TLE4: variants seen among roughly 807,000 people sequenced by gnomAD.
TLE4 encodes the protein transducin-like enhancer protein 4.
TLE4 carries 8 observed loss-of-function variants against 92.8 expected under a neutral mutation model. That is an observed-to-expected ratio of 0.09 (90% CI 0.05 to 0.16). TLE4 has a LOEUF of 0.16. Among genes scored for constraint, TLE4 ranks in the 10% least tolerant of loss-of-function variants. The pLI is 1.00. For missense variants in TLE4, 675 were observed against 997.6 expected (o/e 0.68, Z 4.36); for synonymous variants, 371 against 374.1 (o/e 0.99, Z 0.10).
At chr9:79,597,836 A>C (rs1233427644) in intron 4 of TLE4, among the ~76,000 whole-genome samples, 2 of 152,188 alleles carry the variant, frequency 1.3e-5, no homozygotes, top group African/African-American at 2.4e-5. Flanking sequence ...TGGGGACGAG[A>C]GTAATCCTCT....
intron 4 of TLE4, 117 bp from the exon 5 acceptor site, chr9:79,612,539 A>T: frequency 1.1e-6 from 1 of 940,112 alleles, no homozygotes; most frequent in Non-Finnish European, 1.7e-6. Context: ...CCTCTTCCTT[A>T]GGAAATATGC....
chr9:79,627,306 T>C, intron 5 of TLE4, 68 bp from the exon 6 acceptor site: 4 of 1,527,516 alleles, frequency 2.6e-6, no homozygotes, highest in Non-Finnish European at 9.1e-7. Flanking sequence ...GAGGACATGT[T>C]AGGAAAAGCT....
intron 8 of TLE4, among the ~76,000 whole-genome samples, chr9:79,660,132 A>G (rs1485531489): frequency 2.0e-5 from 3 of 152,210 alleles, no homozygotes; most frequent in Non-Finnish European, 4.4e-5. Context: ...AACATTTAGA[A>G]TATGAGCCAT....
chr9:79,620,228 G>T (rs1293119341), intron 5 of TLE4, among the ~76,000 whole-genome samples: 3 of 152,202 alleles, frequency 2.0e-5, no homozygotes, highest in African/African-American at 7.2e-5. Flanking sequence ...GAGTAGAGCT[G>T]CATTGTCCAA....
intron 18 of TLE4, 83 bp downstream of exon 18, chr9:79,722,684 C>T: frequency 6.6e-7 from 1 of 1,525,442 alleles, no homozygotes; most frequent in Non-Finnish European, 8.9e-7. Context: ...AAGTCGAATC[C>T]TTGAGTTCAT....
chr9:79,718,256 G>C (rs2074959641), intron 14 of TLE4, among the ~76,000 whole-genome samples: 1 of 151,954 alleles, frequency 6.6e-6, no homozygotes, highest in African/African-American at 2.4e-5. Flanking sequence ...CCTGATTTTG[G>C]CCTACTCATC....
intron 8 of TLE4, among the ~76,000 whole-genome samples, chr9:79,699,888 T>C (rs560343854): frequency 6.6e-6 from 1 of 152,268 alleles, no homozygotes; most frequent in South Asian, 2.1e-4. Context: ...TTTTGGTGAA[T>C]AGTAGCATAT....
chr9:79,726,704 A>G lies in TLE4; in HGVS notation c.*1560A>G, dbSNP rs2076403914. 4 of 152,674 alleles carry G rather than the reference A, an allele frequency of 2.6e-5. 1 individual carries two copies. In the South Asian group the frequency reaches 8.3e-4, roughly 32 times the overall value. The allele number at this position is 152,674 out of a possible 1,614,324, so 9.5% of individuals were successfully genotyped here. ...TTCTATAATGGTAGATTGTTTGTGA[A>G]TTCAGACTTTTAAGCATTAAACATA... On this transcript the variant is annotated 3_prime_UTR_variant, in exon 20 of 20. Coordinates refer to ENST00000376552, the MANE Select transcript of TLE4 (RefSeq NM_007005.6).
chr9:79,708,131 C>T lies in TLE4; in HGVS notation c.950C>T (p.Thr317Ile), dbSNP rs1473239190. The change falls in exon 12 of 20, where the codon ACT becomes ATT. Residue 317 changes from threonine (T) to isoleucine (I), a missense_variant. Coordinates refer to ENST00000376552, the MANE Select transcript of TLE4 (RefSeq NM_007005.6). ...TCATCTTGTTAGAATGAAAAATCTACTACTCCCGTCTCAAAGTCCAATACC... is the reference window on the plus strand; with the variant it reads ...TCATCTTGTTAGAATGAAAAATCTATTACTCCCGTCTCAAAGTCCAATACC... ...SKELSLNEKS[T>I]TPVSKSNTPT... 6.2e-7 allele frequency: 1 copy of T among 1,613,902 alleles called. No homozygotes were observed. Among genetic ancestry groups the T allele is most frequent in the Non-Finnish European group, 8.5e-7 (1 of 1,179,982 alleles).
chr9:79,685,336 G>A (rs991697489), intron 8 of TLE4, among the ~76,000 whole-genome samples: 2 of 151,500 alleles, frequency 1.3e-5, no homozygotes, highest in Admixed American at 1.3e-4. Context: ...TTTTTTTTCT[G>A]TTTATGCAAG....
At chr9:79,576,692 C>A (rs563709032) in intron 4 of TLE4, 1 of 151,874 alleles carries the variant, frequency 6.6e-6, no homozygotes, top group Non-Finnish European at 1.5e-5. Flanking sequence ...TTAGTTGGGT[C>A]TTACCAAGAA....
intron 14 of TLE4, among the ~76,000 whole-genome samples, chr9:79,714,495 C>T (rs2074069032): frequency 6.6e-6 from 1 of 152,170 alleles, no homozygotes; most frequent in African/African-American, 2.4e-5. Flanking sequence ...GGAACTTTTG[C>T]TCTCTGCTAT....
intron 13 of TLE4, among the ~76,000 whole-genome samples, chr9:79,709,033 A>C (rs931636488): frequency 6.6e-6 from 1 of 152,104 alleles, no homozygotes; most frequent in Non-Finnish European, 1.5e-5. Context: ...GGGTTTCACC[A>C]TGTTGCCCAG....
chr9:79,708,134 C>T lies in TLE4; in HGVS notation c.953C>T (p.Thr318Ile), dbSNP rs746765528. 6.2e-7 allele frequency: 1 copy of T among 1,613,992 alleles called. No individual in the cohort carries two copies. Among genetic ancestry groups the T allele is most frequent in the South Asian group, 1.1e-5 (1 of 91,060 alleles). Residue 318 changes from threonine to isoleucine, a missense_variant, in exon 12 of 20, where the codon ACT becomes ATT. Transcript: ENST00000376552. ...TCTTGTTAGAATGAAAAATCTACTA[C>T]TCCCGTCTCAAAGTCCAATACCCCT... Reference protein sequence around the residue: ...KELSLNEKSTTPVSKSNTPTP... With the variant: ...KELSLNEKSTIPVSKSNTPTP...
Position 79,725,074 on chromosome 9 carries a change from C to T in TLE4, c.2252C>T (p.Ser751Phe), listed in dbSNP as rs770695489. 6.2e-7 allele frequency: 1 copy of T among 1,613,874 alleles called. No homozygotes were observed. The highest frequency in any genetic ancestry group is 8.5e-7 in the Non-Finnish European group (1 of 1,179,926). The change falls in exon 20 of 20, where the codon TCC becomes TTC. Residue 751 changes from serine to phenylalanine, a missense_variant. Ser to Phe is a radical substitution (Grantham distance 155). Around this residue, in one of 5 missense-constraint regions of TLE4, gnomAD observed 170 missense variants for 359.6 expected, o/e 0.47. Transcript: ENST00000376552. Reference protein sequence around the residue: ...ESSSVLSCDISVDDKYIVTGS... With the variant: ...ESSSVLSCDIFVDDKYIVTGS... ...TCATCGGTGCTTAGCTGTGACATCT[C>T]CGTGGACGACAAATACATTGTCACT...
chr9:79,638,181 A>T (rs928681106), intron 6 of TLE4, among the ~76,000 whole-genome samples: 6 of 152,078 alleles, frequency 3.9e-5, no homozygotes, highest in African/African-American at 1.4e-4. Flanking sequence ...GGTGGTGAAG[A>T]CCATAAAGGG....
intron 8 of TLE4, chr9:79,663,396 A>G (rs974890624): frequency 1.3e-5 from 2 of 152,240 alleles, no homozygotes; most frequent in African/African-American, 2.4e-5. Context: ...TATTAGCCAC[A>G]TATCGAGTCC....
At chr9:79,722,386 T>C (rs762034281) in intron 17 of TLE4, 65 bp from the exon 18 acceptor site, 59 of 1,563,276 alleles carry the variant, frequency 3.8e-5, no homozygotes, top group Non-Finnish European at 4.8e-5. Flanking sequence ...GAAGAGATAG[T>C]ACCTCCCAGA....
intron 6 of TLE4, among the ~76,000 whole-genome samples, chr9:79,644,311 T>G (rs1297295465): frequency 1.3e-5 from 2 of 152,126 alleles, no homozygotes; most frequent in Non-Finnish European, 2.9e-5. Flanking sequence ...CCAGCCGTGC[T>G]TAACTGTGAG....
Sources: gnomAD v4.1 joint callset for allele counts (sites outside exome capture counted in the v4.1 genomes callset) on GRCh38, gnomAD v4.1.1 for gene constraint, gnomAD v4.1.1 regional missense constraint, MANE v1.5 for transcripts, NCBI Gene and HGNC (gene_info 2026-07-23, HGNC 2026-07-21) for gene names.